CLEC16A: variants seen among roughly 807,000 people sequenced by gnomAD.
The protein encoded by CLEC16A is C-type lectin domain containing 16A.
A neutral mutation model predicts 109.5 loss-of-function variants in CLEC16A; 51 were observed. The ratio of observed to expected loss-of-function variants is 0.47; its 90% confidence interval spans 0.37 to 0.59. The LOEUF is 0.59. CLEC16A is among the 20% of genes least tolerant of loss of function. The probability of loss-of-function intolerance (pLI) is 0.00; values close to 1 mark genes in which losing one functional copy is unlikely to be tolerated. For missense variants in CLEC16A, 1,339 were observed against 1,394.0 expected, an observed-to-expected ratio of 0.96 and a Z score of 0.63; for synonymous variants, 673 against 564.2, an observed-to-expected ratio of 1.19 and a Z score of -2.73.
intron 22 of CLEC16A, among the ~76,000 whole-genome samples, chr16:11,131,610 T>A (rs150439201): frequency 4.6e-5 from 7 of 152,282 alleles, no homozygotes; most frequent in Non-Finnish European, 8.8e-5. Flanking sequence ...AGATGAGGGC[T>A]TAGTGACATG....
intron 17 of CLEC16A, 164 bp downstream of exon 17, chr16:11,047,506 T>C (rs2047697293): frequency 4.5e-6 from 2 of 445,272 alleles, no homozygotes; most frequent in Middle Eastern, 5.8e-4. Context: ...TCCCCACCAC[T>C]GTTAAAATTT....
intron 23 of CLEC16A, among the ~76,000 whole-genome samples, chr16:11,175,500 C>T (rs1692402871): frequency 1.3e-5 from 2 of 152,352 alleles, no homozygotes; most frequent in Admixed American, 1.3e-4. Flanking sequence ...AAAAAAGTGT[C>T]CTCACTGGGT....
At chr16:11,061,279 A>T (rs1264607408) in intron 19 of CLEC16A, among the ~76,000 whole-genome samples, 1 of 152,138 alleles carries the variant, frequency 6.6e-6, no homozygotes, top group East Asian at 1.9e-4. Context: ...GAGCACCTGG[A>T]GGCTCAAGCA....
chr16:11,105,037 C>A (rs978145120), intron 19 of CLEC16A, among the ~76,000 whole-genome samples: 34 of 152,182 alleles, frequency 2.2e-4, no homozygotes, highest in African/African-American at 7.7e-4. Flanking sequence ...GTATTCAGAT[C>A]TTTTCTTGGA....
chr16:11,098,794 A>C (rs768357960), intron 19 of CLEC16A, among the ~76,000 whole-genome samples: 64 of 151,658 alleles, frequency 4.2e-4, no homozygotes, highest in Admixed American at 3.9e-4. Context: ...TAACTTTTCA[A>C]CTCCTTCGTT....
intron 23 of CLEC16A, among the ~76,000 whole-genome samples, chr16:11,175,186 C>T (rs2068697338): frequency 6.6e-6 from 1 of 152,212 alleles, no homozygotes; most frequent in Non-Finnish European, 1.5e-5. Flanking sequence ...GTTAAGGCCC[C>T]ACCCTAGGCC....
chr16:11,173,909 A>C (rs1164205937), intron 23 of CLEC16A, among the ~76,000 whole-genome samples: 2 of 152,034 alleles, frequency 1.3e-5, no homozygotes, highest in African/African-American at 4.8e-5. Context: ...TGCACGAGTG[A>C]ACAATTTGGT....
intron 16 of CLEC16A, among the ~76,000 whole-genome samples, chr16:11,045,863 A>G (rs1417655386): frequency 6.6e-6 from 1 of 152,142 alleles, no homozygotes; most frequent in Non-Finnish European, 1.5e-5. Context: ...CATTATTGTC[A>G]GTGTTTGTTG....
intron 18 of CLEC16A, among the ~76,000 whole-genome samples, chr16:11,059,081 C>T (rs2048352697): frequency 6.6e-6 from 1 of 152,218 alleles, no homozygotes; most frequent in Non-Finnish European, 1.5e-5. Context: ...ACACCCAGCT[C>T]AGCCACTTAG....
chr16:11,010,895 C>T (rs773912738), intron 11 of CLEC16A, among the ~76,000 whole-genome samples: 1 of 152,014 alleles, frequency 6.6e-6, no homozygotes, highest in Non-Finnish European at 1.5e-5. Context: ...TCTAATAAAA[C>T]GTCCTTCATT....
chr16:11,143,309 A>G (rs1413860480), intron 22 of CLEC16A, among the ~76,000 whole-genome samples: 1 of 152,148 alleles, frequency 6.6e-6, no homozygotes, highest in Non-Finnish European at 1.5e-5. Flanking sequence ...GAGTGGGCAG[A>G]TATCATGCCA....
At chr16:11,067,018 A>G (rs912516983) in intron 19 of CLEC16A, among the ~76,000 whole-genome samples, 16 of 152,202 alleles carry the variant, frequency 1.1e-4, no homozygotes, top group Non-Finnish European at 2.2e-4. Context: ...ATCATTCCAT[A>G]AAAGAAAAGA....
At chr16:11,135,079 CAGA>C (rs1263635819) in intron 22 of CLEC16A, among the ~76,000 whole-genome samples, 2 of 152,228 alleles carry the variant, frequency 1.3e-5, no homozygotes, top group African/African-American at 2.4e-5. Flanking sequence ...GAACAAAAAG[CAGA>C]AGGATGACTT....
chr16:11,079,235 C>T (rs2049566360), intron 19 of CLEC16A, among the ~76,000 whole-genome samples: 1 of 152,222 alleles, frequency 6.6e-6, no homozygotes. Flanking sequence ...TGTGGTTGTT[C>T]TGAACCAGTG....
chr16:11,094,259 G>A (rs1310042999), intron 19 of CLEC16A, among the ~76,000 whole-genome samples: 5 of 152,210 alleles, frequency 3.3e-5, no homozygotes, highest in Admixed American at 3.3e-4. Context: ...GCTCAAAGGG[G>A]AAACTGAAGG....
intron 19 of CLEC16A, among the ~76,000 whole-genome samples, chr16:11,099,689 C>T (rs981216162): frequency 4.6e-5 from 7 of 152,292 alleles, no homozygotes; most frequent in Middle Eastern, 3.4e-3. Context: ...GGGGCCCAGG[C>T]GTCCTCGTCT....
rs2068862731 is a variant in CLEC16A at position 11,178,677 on chromosome 16, C to T, written c.3149C>T (p.Thr1050Ile). Reference protein sequence around the residue: ...EEAACAEPVGTAED With the variant: ...EEAACAEPVGIAED ...GCTGCATGTGCTGAGCCTGTGGGCA[C>T]CGCTGAGGACTGAGTCAGTGCCGGG... Residue 1050 changes from threonine to isoleucine, a missense_variant, in exon 24 of 24, where the codon ACC becomes ATC. Thr to Ile is a moderately conservative substitution (Grantham distance 89). This residue lies in a region of CLEC16A where 1,061 missense variants were observed against 1,006.8 expected (regional missense o/e 1.05). Transcript: ENST00000409790. The surrounding 1 kb of genome is among the most constrained non-coding windows in gnomAD (Gnocchi z 6.5). The T allele has an allele frequency of 1.3e-6, 2 of 1,507,648 alleles. No individual in the cohort carries two copies. The highest frequency in any genetic ancestry group is 1.4e-5 in the African/African-American group (1 of 72,610). The allele number at this position is 1,507,648 out of a possible 1,614,324, so 93.4% of individuals were successfully genotyped here. A position where few individuals can be genotyped will look rare whatever the true frequency, so the allele number is the denominator to read the frequency against.
chr16:11,146,313 A>T (rs144305928), intron 22 of CLEC16A, among the ~76,000 whole-genome samples: 1 of 152,342 alleles, frequency 6.6e-6, no homozygotes, highest in East Asian at 1.9e-4. Flanking sequence ...AGCTCCAGGA[A>T]AACAGGCACT....
intron 22 of CLEC16A, among the ~76,000 whole-genome samples, chr16:11,139,436 A>C (rs1049960891): frequency 6.6e-6 from 1 of 152,238 alleles, no homozygotes; most frequent in Non-Finnish European, 1.5e-5. Flanking sequence ...TTTCTCCAAA[A>C]ACACACACAG....
Sources: allele counts gnomAD v4.1 joint callset (sites outside exome capture counted in the v4.1 genomes callset), GRCh38; gene constraint gnomAD v4.1.1; regional missense constraint gnomAD v4.1.1; non-coding constraint Gnocchi (gnomAD v3.1); transcripts MANE v1.5; gene names NCBI Gene and HGNC (gene_info 2026-07-23, HGNC 2026-07-21).